The following NREP variants were observed in gnomAD, a reference collection of about 807,000 sequenced individuals.
The protein encoded by NREP is neuronal regeneration related protein, also known as neuronal regeneration-related protein.
NREP carries 5 observed loss-of-function variants against 8.6 expected under a neutral mutation model. The observed-to-expected ratio is 0.58, with a 90% confidence interval of 0.30 to 1.22. NREP has a LOEUF of 1.22. NREP is among the 50% of genes most tolerant of loss of function. NREP has a pLI of 0.07. For synonymous variants in NREP, 27 were observed against 28.0 expected (o/e 0.96, Z 0.11); for missense variants, 86 against 82.5 (o/e 1.04, Z -0.17).
At chr5:111,963,764 T>C (rs17562482) in intron 2 of NREP, among the ~76,000 whole-genome samples, 8,334 of 152,300 alleles carry the variant, frequency 0.055, 317 homozygotes, top group Non-Finnish European at 0.078. Flanking sequence ...CAATTCTTCA[T>C]TTTACAGGAA....
At chr5:111,792,813 C>G (rs1751781817) in intron 2 of NREP, among the ~76,000 whole-genome samples, 1 of 152,158 alleles carries the variant, frequency 6.6e-6, no homozygotes, top group African/African-American at 2.4e-5. Flanking sequence ...GTGATTCAAC[C>G]ATGACTTAGC....
chr5:111,829,785 C>G (rs534215251), intron 2 of NREP, among the ~76,000 whole-genome samples: 1 of 152,278 alleles, frequency 6.6e-6, no homozygotes, highest in African/African-American at 2.4e-5. Flanking sequence ...TAGACATTGA[C>G]TAGCTACTGA....
At chr5:111,817,005 C>T (rs913680364) in intron 2 of NREP, among the ~76,000 whole-genome samples, 1 of 151,946 alleles carries the variant, frequency 6.6e-6, no homozygotes, top group Non-Finnish European at 1.5e-5. Flanking sequence ...TATATTCAAC[C>T]AAATGATTTA....
rs1374781588 is a variant in NREP at position 111,885,475 on chromosome 5, C to G, written c.135+89799G>C. Among the ~76,000 whole-genome samples the G allele has an allele frequency of 3.3e-3, 506 of 152,250 alleles. 3 individuals are homozygous for G. The highest frequency in any genetic ancestry group is 4.9e-3 in the Non-Finnish European group (336 of 68,008). ...TTCTTCACAGAATTGGAAAAAACTA[C>G]TTTAAAGTTCATATGGAACCAAAAA... On this transcript the variant is annotated intron_variant, in intron 2 of 3. Coordinates refer to the NREP transcript ENST00000395634.
chr5:111,845,967 T>A (rs1027142444), intron 2 of NREP: 8 of 152,672 alleles, frequency 5.2e-5, no homozygotes, highest in Non-Finnish European at 1.0e-4. Flanking sequence ...TAGTATGCTT[T>A]GTATTACAGG....
intron 2 of NREP, among the ~76,000 whole-genome samples, chr5:111,735,821 G>C (rs138812435): frequency 1.2e-3 from 186 of 152,238 alleles, no homozygotes; most frequent in African/African-American, 4.3e-3. Context: ...TCATCGGGGA[G>C]GTCTAACTTT....
chr5:111,799,480 C>G (rs1337503005), intron 2 of NREP, among the ~76,000 whole-genome samples: 2 of 152,326 alleles, frequency 1.3e-5, no homozygotes, highest in East Asian at 3.9e-4. Flanking sequence ...TTGAAGAAGA[C>G]CAATTGCCCT....
At chr5:111,947,013 G>A (rs1160945315) in intron 2 of NREP, among the ~76,000 whole-genome samples, 1 of 152,018 alleles carries the variant, frequency 6.6e-6, no homozygotes, top group Non-Finnish European at 1.5e-5. Context: ...TTTAGTTAAT[G>A]AGTTTTAACT....
intron 2 of NREP, among the ~76,000 whole-genome samples, chr5:111,800,376 T>C (rs1208457132): frequency 6.6e-6 from 1 of 152,268 alleles, no homozygotes. Context: ...TTAGAATCAC[T>C]GACAGGGCCA....
At chr5:111,948,895 A>G (rs1481314532) in intron 2 of NREP, 1 of 152,056 alleles carries the variant, frequency 6.6e-6, no homozygotes, top group Non-Finnish European at 1.5e-5. Flanking sequence ...AGACTTGGTG[A>G]CCAAAACTCA....
Position 111,897,623 on chromosome 5 carries a change from G to C in NREP, c.135+77651C>G, listed in dbSNP as rs567562326. 4.5e-4 allele frequency among the ~76,000 whole-genome samples: 69 copies of C among 152,078 alleles called. 1 individual carries two copies. The highest frequency in any genetic ancestry group is 1.6e-3 in the African/African-American group (68 of 41,484). On this transcript the variant is annotated intron_variant, in intron 2 of 3. Coordinates refer to the NREP transcript ENST00000395634. ...TTTGATGTCATCCTAACTTTTCCCT[G>C]ATTATTTCAATCCTACTATGGCTAA...
At chr5:111,787,799 A>C (rs1386812638) in intron 2 of NREP, among the ~76,000 whole-genome samples, 1 of 152,172 alleles carries the variant, frequency 6.6e-6, no homozygotes, top group Non-Finnish European at 1.5e-5. Flanking sequence ...TATTTTTTAC[A>C]TTAAAAATAA....
At chr5:111,919,019 TAAAAC>T (rs1403098270) in intron 2 of NREP, among the ~76,000 whole-genome samples, 1 of 151,976 alleles carries the variant, frequency 6.6e-6, no homozygotes, top group Non-Finnish European at 1.5e-5. Context: ...TACAGGGACT[TAAAAC>T]AAATTGACAA....
intron 2 of NREP, among the ~76,000 whole-genome samples, chr5:111,866,695 C>T (rs1389781699): frequency 1.7e-4 from 26 of 152,180 alleles, no homozygotes; most frequent in Middle Eastern, 3.4e-3. Flanking sequence ...CACATGCACA[C>T]GTATGTTTAT....
At chr5:111,786,335 CT>C (rs1175300297) in intron 2 of NREP, among the ~76,000 whole-genome samples, 1 of 152,156 alleles carries the variant, frequency 6.6e-6, no homozygotes, top group East Asian at 1.9e-4. Context: ...AATTAAACTT[CT>C]TTCCTTTATA....
intron 2 of NREP, among the ~76,000 whole-genome samples, chr5:111,861,996 C>T (rs1474886213): frequency 6.6e-6 from 1 of 152,038 alleles, no homozygotes; most frequent in Non-Finnish European, 1.5e-5. Context: ...CTTCTAAATA[C>T]TTATAAAACT....
intron 2 of NREP, among the ~76,000 whole-genome samples, chr5:111,787,297 A>G (rs866112611): frequency 1.3e-5 from 2 of 152,212 alleles, no homozygotes; most frequent in South Asian, 2.1e-4. Context: ...TTTGAAAGAG[A>G]GAGAGAAATA....
chr5:111,874,053 G>A (rs1003233796), intron 2 of NREP, among the ~76,000 whole-genome samples: 1 of 152,086 alleles, frequency 6.6e-6, no homozygotes, highest in African/African-American at 2.4e-5. Context: ...CGGGAGGGTG[G>A]GGAAAGGAAG....
At chr5:111,859,621 G>A (rs900821720) in intron 2 of NREP, among the ~76,000 whole-genome samples, 2 of 152,008 alleles carry the variant, frequency 1.3e-5, no homozygotes, top group African/African-American at 2.4e-5. Flanking sequence ...CTTGTACCCC[G>A]CTGGCTCACC....
Sources: allele counts gnomAD v4.1 joint callset (sites outside exome capture counted in the v4.1 genomes callset), GRCh38; gene constraint gnomAD v4.1.1; transcripts MANE v1.5; gene names NCBI Gene and HGNC (gene_info 2026-07-23, HGNC 2026-07-21).